EDIL3: variants seen among roughly 807,000 people sequenced by gnomAD.
The protein encoded by EDIL3 is EGF like and discoidin domains 3.
A neutral mutation model predicts 67.4 loss-of-function variants in EDIL3; 37 were observed. The observed-to-expected ratio is 0.55, with a 90% confidence interval of 0.42 to 0.72. The LOEUF (loss-of-function observed/expected upper bound fraction) is 0.72, where lower values mean the gene tolerates loss of function less well. Among genes scored for constraint, EDIL3 ranks in the 30% least tolerant of loss-of-function variants. The pLI, the probability that EDIL3 is intolerant of heterozygous loss-of-function variation, is 0.00. For synonymous variants in EDIL3, 195 were observed against 196.3 expected (o/e 0.99, Z 0.05); for missense variants, 527 against 586.3 (o/e 0.90, Z 1.04).
At chr5:84,108,529 C>G (rs73136232) in intron 5 of EDIL3, among the ~76,000 whole-genome samples, 1 of 152,064 alleles carries the variant, frequency 6.6e-6, no homozygotes, top group African/African-American at 2.4e-5. Flanking sequence ...TGAAGTCTTA[C>G]GAGCTGCAGA....
chr5:83,973,570 G>C (rs1440504348), intron 9 of EDIL3, among the ~76,000 whole-genome samples: 1 of 151,948 alleles, frequency 6.6e-6, no homozygotes, highest in Admixed American at 6.6e-5. Context: ...AGACTTGCAG[G>C]TACTTCAAGT....
intron 4 of EDIL3, among the ~76,000 whole-genome samples, chr5:84,146,642 G>C (rs1748293804): frequency 6.6e-6 from 1 of 151,980 alleles, no homozygotes; most frequent in Non-Finnish European, 1.5e-5. Context: ...TGGGTTTAAT[G>C]GGCATTTGTT....
In EDIL3 at chr5:84,358,592, C is replaced by CTTTTTTT. The variant is rs756013675; in HGVS notation, c.67+25709_67+25715dup. On this transcript the variant is annotated intron_variant, in intron 1 of 10. Transcript: ENST00000296591. ...GCATAAGACAGTATTCATTTTTATC[C>CTTTTTTT]TTTTTTTTTTTTTTTTTTTTTTTTT... Among the ~76,000 whole-genome samples the CTTTTTTT allele has an allele frequency of 7.8e-4, 74 of 94,570 alleles. 3 individuals carry two copies. The highest frequency in any genetic ancestry group is 2.6e-3 in the African/African-American group (66 of 25,324). The allele number at this position is 94,570 out of a possible 152,430, so 62.0% of individuals were successfully genotyped here. A position where few individuals can be genotyped will look rare whatever the true frequency, so the allele number is the denominator to read the frequency against.
At chr5:83,975,629 A>T (rs1483915936) in intron 9 of EDIL3, among the ~76,000 whole-genome samples, 1 of 151,864 alleles carries the variant, frequency 6.6e-6, no homozygotes, top group Non-Finnish European at 1.5e-5. Context: ...ACATAATTTG[A>T]AAAAAATCAG....
At chr5:83,966,151 C>T (rs560912813) in intron 9 of EDIL3, among the ~76,000 whole-genome samples, 1 of 152,202 alleles carries the variant, frequency 6.6e-6, no homozygotes, top group East Asian at 1.9e-4. Flanking sequence ...AAAATACCTT[C>T]TGGTCTTTCA....
At chr5:84,018,566 C>T (rs1745650201) in intron 9 of EDIL3, among the ~76,000 whole-genome samples, 1 of 152,146 alleles carries the variant, frequency 6.6e-6, no homozygotes, top group African/African-American at 2.4e-5. Context: ...TCAAAAAGTG[C>T]CATCGGCACC....
At chr5:83,948,824 T>G (rs1295387201) in intron 10 of EDIL3, among the ~76,000 whole-genome samples, 1 of 151,758 alleles carries the variant, frequency 6.6e-6, no homozygotes, top group Non-Finnish European at 1.5e-5. Context: ...TCTAGGAAAA[T>G]TTACCAGCAT....
chr5:84,342,368 G>C (rs1747134012), intron 1 of EDIL3, among the ~76,000 whole-genome samples: 1 of 151,966 alleles, frequency 6.6e-6, no homozygotes, highest in Non-Finnish European at 1.5e-5. Flanking sequence ...AAATACGTTT[G>C]CACCAACCTA....
At chr5:84,367,950 T>C (rs569915537) in intron 1 of EDIL3, among the ~76,000 whole-genome samples, 23 of 152,320 alleles carry the variant, frequency 1.5e-4, no homozygotes, top group Non-Finnish European at 4.4e-5. Flanking sequence ...TAATAAAATG[T>C]TGTTGAATAA....
intron 9 of EDIL3, among the ~76,000 whole-genome samples, chr5:84,019,415 G>T (rs1250590536): frequency 3.3e-5 from 5 of 151,664 alleles, no homozygotes; most frequent in Non-Finnish European, 7.4e-5. Flanking sequence ...AGTGGGGAGG[G>T]ATAGCATTAG....
intron 9 of EDIL3, among the ~76,000 whole-genome samples, chr5:83,970,321 G>T (rs2112137131): frequency 1.4e-5 from 2 of 141,848 alleles, no homozygotes; most frequent in South Asian, 4.3e-4. Flanking sequence ...TATTGGATTA[G>T]AAATGTTCCT....
In EDIL3 at chr5:83,943,576, A is replaced by C; in HGVS notation, c.1294-8T>G. The C allele has an allele frequency of 9.9e-6, 16 of 1,611,468 alleles. No individual in the cohort carries two copies. Among genetic ancestry groups the C allele is most frequent in the Non-Finnish European group, 1.4e-5 (16 of 1,178,458 alleles). ...AAAATTTCCCTGGAAAACCTAATAA[A>C]GAAGAGCAGAAAAATGTCAGTCACA... On this transcript the variant is annotated splice_region_variant and splice_polypyrimidine_tract_variant and intron_variant, in intron 10 of 10. Transcript: ENST00000296591.
At chr5:84,285,284 C>G (rs1386738966) in intron 1 of EDIL3, among the ~76,000 whole-genome samples, 2 of 152,132 alleles carry the variant, frequency 1.3e-5, no homozygotes, top group Non-Finnish European at 2.9e-5. Flanking sequence ...TTTTCTAATT[C>G]CAACAGAAAT....
At chr5:84,309,500 C>G (rs973774759) in intron 1 of EDIL3, among the ~76,000 whole-genome samples, 2 of 151,972 alleles carry the variant, frequency 1.3e-5, no homozygotes, top group South Asian at 2.1e-4. Context: ...CCCGTCCCCC[C>G]ACCCCACAAC....
At chr5:84,296,029 ATAAT>A (rs1332569372) in intron 1 of EDIL3, among the ~76,000 whole-genome samples, 4 of 152,150 alleles carry the variant, frequency 2.6e-5, no homozygotes, top group Non-Finnish European at 4.4e-5. Flanking sequence ...CAAAATGGGG[ATAAT>A]TAGAGTTACT....
intron 1 of EDIL3, among the ~76,000 whole-genome samples, chr5:84,257,738 A>G (rs905995647): frequency 6.6e-6 from 1 of 152,234 alleles, no homozygotes; most frequent in African/African-American, 2.4e-5. Flanking sequence ...TGTAGAATTA[A>G]AGAGCCTCTG....
rs70975548 is a variant in EDIL3, at chr5:84,252,493, CAAA to C, written c.196+1588_196+1590del. ...TGTGCGACAAAGTGAGACTCCGTCT[CAAA>C]AAAAAAAAAAAAAAAAAAAAAATTC... On this transcript the variant is annotated intron_variant, in intron 2 of 10. Transcript: ENST00000296591. 3.1e-3 allele frequency among the ~76,000 whole-genome samples: 89 copies of C among 28,948 alleles called. 1 individual carries two copies. Among genetic ancestry groups the C allele is most frequent in the African/African-American group, 7.9e-3 (58 of 7,346 alleles). The allele number at this position is 28,948 out of a possible 152,430, so 19.0% of individuals were successfully genotyped here.
At chr5:84,020,832 A>G (rs1745702255) in intron 9 of EDIL3, among the ~76,000 whole-genome samples, 1 of 152,106 alleles carries the variant, frequency 6.6e-6, no homozygotes, top group Non-Finnish European at 1.5e-5. Context: ...AGGCTACAAA[A>G]GTAACTTACT....
At chr5:83,991,480 C>T (rs571381931) in intron 9 of EDIL3, among the ~76,000 whole-genome samples, 2 of 152,252 alleles carry the variant, frequency 1.3e-5, no homozygotes, top group South Asian at 4.1e-4. Flanking sequence ...GATCACACCT[C>T]TTACTTTCTC....
Sources: allele counts gnomAD v4.1 joint callset (sites outside exome capture counted in the v4.1 genomes callset), GRCh38; gene constraint gnomAD v4.1.1; transcripts MANE v1.5; gene names NCBI Gene and HGNC (gene_info 2026-07-23, HGNC 2026-07-21).